The following PEPD variants were observed in gnomAD, a reference collection of about 807,000 sequenced individuals.
The protein encoded by PEPD is xaa-Pro dipeptidase.
In PEPD, 53 loss-of-function variants were observed where a neutral mutation model predicts 60.7. The observed-to-expected ratio is 0.87, with a 90% confidence interval of 0.70 to 1.10. PEPD has a LOEUF of 1.10. Among genes scored for constraint, PEPD ranks in the 50% least tolerant of loss-of-function variants. The probability of loss-of-function intolerance (pLI) is 0.00; values close to 1 mark genes in which losing one functional copy is unlikely to be tolerated. For synonymous variants in PEPD, 267 were observed against 284.1 expected (o/e 0.94, Z 0.60); for missense variants, 711 against 711.9 (o/e 1.00, Z 0.01).
chr19:33,482,062 G>A (rs1274960030), intron 6 of PEPD, among the ~76,000 whole-genome samples: 1 of 151,880 alleles, frequency 6.6e-6, no homozygotes, highest in Non-Finnish European at 1.5e-5. Context: ...AAACAGAAAA[G>A]GAGGCAATAC....
intron 6 of PEPD, among the ~76,000 whole-genome samples, chr19:33,479,190 C>T (rs1970272309): frequency 6.6e-6 from 1 of 150,538 alleles, no homozygotes. Context: ...ATTAAGAAAA[C>T]AGCTAAAACA....
At chr19:33,420,433 T>C (rs2145378565) in intron 9 of PEPD, among the ~76,000 whole-genome samples, 1 of 152,324 alleles carries the variant, frequency 6.6e-6, no homozygotes, top group East Asian at 1.9e-4. Context: ...CCGGGCGTGG[T>C]GGCTGACGCC....
At chr19:33,414,568 G>C (rs1261752070) in intron 9 of PEPD, among the ~76,000 whole-genome samples, 2 of 152,148 alleles carry the variant, frequency 1.3e-5, no homozygotes, top group Non-Finnish European at 2.9e-5. Flanking sequence ...CACCACGTGA[G>C]ACAGGCCCAG....
intron 12 of PEPD, among the ~76,000 whole-genome samples, chr19:33,393,197 CGGGGTCTGGGGTCTGGCGTCGGGG>C (rs1568446572): frequency 2.5e-4 from 35 of 140,100 alleles, no homozygotes; most frequent in African/African-American, 8.9e-4. Context: ...GAGGCCGTCC[CGGGGTCTGGGGTCTGGCGTCGGGG>C]AGGCCGTCCC....
At chr19:33,487,722 AG>A (rs1182274675) in intron 6 of PEPD, among the ~76,000 whole-genome samples, 3 of 152,036 alleles carry the variant, frequency 2.0e-5, no homozygotes, top group African/African-American at 7.2e-5. Flanking sequence ...ATGGTGCAAA[AG>A]TAAGGCAGTC....
At chr19:33,518,897 G>A (rs1971077770) in intron 1 of PEPD, among the ~76,000 whole-genome samples, 1 of 152,166 alleles carries the variant, frequency 6.6e-6, no homozygotes, top group Non-Finnish European at 1.5e-5. Flanking sequence ...GGCTGGGAAA[G>A]GCTTCTGGGA....
intron 7 of PEPD, among the ~76,000 whole-genome samples, chr19:33,472,581 C>T (rs950228443): frequency 6.6e-5 from 10 of 152,162 alleles, no homozygotes; most frequent in Middle Eastern, 3.2e-3. Flanking sequence ...ACTTGTGCAA[C>T]CTTATTTTTT....
chr19:33,398,351 C>T (rs899235356), intron 12 of PEPD, among the ~76,000 whole-genome samples: 3 of 152,234 alleles, frequency 2.0e-5, no homozygotes, highest in Admixed American at 1.3e-4. Flanking sequence ...ATCTGGATTT[C>T]ACGACTGCCC....
intron 9 of PEPD, among the ~76,000 whole-genome samples, chr19:33,416,888 C>G (rs964465271): frequency 4.6e-5 from 7 of 152,178 alleles, no homozygotes; most frequent in Non-Finnish European, 8.8e-5. Context: ...GCACATCTGT[C>G]AGTGCCAGGA....
chr19:33,489,066 C>A (rs1970448666), intron 6 of PEPD, among the ~76,000 whole-genome samples: 1 of 152,054 alleles, frequency 6.6e-6, no homozygotes, highest in African/African-American at 2.4e-5. Flanking sequence ...ATCCAGTGGG[C>A]AGGGCTCTCC....
chr19:33,472,891 C>T (rs1255630318), intron 7 of PEPD, among the ~76,000 whole-genome samples: 1 of 152,156 alleles, frequency 6.6e-6, no homozygotes, highest in East Asian at 1.9e-4. Context: ...ACTCCATGAC[C>T]CAGTGATGCA....
At chr19:33,457,639 T>C (rs1460413555) in intron 9 of PEPD, among the ~76,000 whole-genome samples, 12 of 152,258 alleles carry the variant, frequency 7.9e-5, no homozygotes, top group Admixed American at 7.8e-4. Context: ...GCCTCCCAAG[T>C]AGCTGGGACT....
At chr19:33,513,784 T>C (rs957834747) in intron 1 of PEPD, among the ~76,000 whole-genome samples, 7 of 151,600 alleles carry the variant, frequency 4.6e-5, no homozygotes, top group African/African-American at 1.7e-4. Context: ...ATCCTCGCTC[T>C]TCCCTAAACC....
Position 33,478,029 on chromosome 19 carries a change from C to G in PEPD, c.548+17G>C. ...CGAGCACAACAAACAGGCAAGGTGA[C>G]CACAGGCCGTACTCACCACTCAACG... On this transcript the variant is annotated intron_variant, in intron 7 of 14. Coordinates refer to ENST00000244137, the MANE Select transcript of PEPD (RefSeq NM_000285.4). 1 of 1,589,778 alleles carries G rather than the reference C, an allele frequency of 6.3e-7. No individual in the cohort carries two copies.
chr19:33,505,247 C>T (rs1259199782), intron 3 of PEPD, among the ~76,000 whole-genome samples: 1 of 152,152 alleles, frequency 6.6e-6, no homozygotes, highest in Non-Finnish European at 1.5e-5. Flanking sequence ...CGCCGACTCT[C>T]ACTCTGCTCT....
At chr19:33,453,313 TAAAA>T (rs767526615) in intron 9 of PEPD, among the ~76,000 whole-genome samples, 2 of 149,232 alleles carry the variant, frequency 1.3e-5, no homozygotes, top group African/African-American at 4.9e-5. Context: ...AACACTGTCA[TAAAA>T]AAATAAATAA....
intron 1 of PEPD, among the ~76,000 whole-genome samples, chr19:33,515,216 T>A (rs1383380271): frequency 6.6e-6 from 1 of 152,108 alleles, no homozygotes; most frequent in Non-Finnish European, 1.5e-5. Context: ...GATGAGAAGA[T>A]GCCACATCAG....
intron 8 of PEPD, 59 bp downstream of exon 8, chr19:33,463,928 T>C (rs1250089928): frequency 4.3e-6 from 5 of 1,159,658 alleles, no homozygotes; most frequent in Non-Finnish European, 5.1e-6. Flanking sequence ...CTCACGCAGT[T>C]CTCTCGCCAC....
chr19:33,425,268 G>C (rs1969118373), intron 9 of PEPD, among the ~76,000 whole-genome samples: 1 of 151,892 alleles, frequency 6.6e-6, no homozygotes, highest in African/African-American at 2.4e-5. Context: ...CTGCACTCCA[G>C]CCTGGGCGAC....
Sources: gnomAD v4.1 joint callset for allele counts (sites outside exome capture counted in the v4.1 genomes callset) on GRCh38, gnomAD v4.1.1 for gene constraint, MANE v1.5 for transcripts, NCBI Gene and HGNC (gene_info 2026-07-23, HGNC 2026-07-21) for gene names.